BMF: variants seen among roughly 807,000 people sequenced by gnomAD.
BMF encodes bcl-2-modifying factor.
Under a neutral mutation model 22.0 loss-of-function variants are expected in BMF, and 10 were observed. The observed-to-expected ratio is 0.45, with a 90% confidence interval of 0.28 to 0.77. The LOEUF is 0.77. Ranked by LOEUF, BMF falls within the 30% of genes least tolerant of loss-of-function variation. BMF has a pLI of 0.13. For synonymous variants in BMF, 87 were observed against 88.1 expected (o/e 0.99, Z 0.07); for missense variants, 206 against 226.8 (o/e 0.91, Z 0.59).
intron 4 of BMF, among the ~76,000 whole-genome samples, chr15:40,102,377 C>A (rs552264786): frequency 1.7e-3 from 237 of 142,560 alleles, no homozygotes; most frequent in African/African-American, 6.0e-3. Flanking sequence ...TGCAGTGAGC[C>A]GAGATCATGC....
Position 40,105,939 on chromosome 15 carries a change from A to T in BMF, c.148T>A (p.Phe50Ile). The change falls in exon 3 of 5, where the codon TTC (phenylalanine) becomes ATC (isoleucine). Residue 50 changes from phenylalanine to isoleucine, a missense_variant. Physicochemically the swap from Phe to Ile is conservative, Grantham distance 21. Coordinates refer to ENST00000354670, the MANE Select transcript of BMF (RefSeq NM_001003940.2). Reference sequence around the variant, plus strand: ...GGGCCACAGCAGTGGGTGAGAGGGAAGAGCTGAAGTCGGCTGAGGGGGCAG... The same window carrying T: ...GGGCCACAGCAGTGGGTGAGAGGGATGAGCTGAAGTCGGCTGAGGGGGCAG... ...LDCPLSRLQL[F>I]PLTHCCGPGL... 1 of 1,614,150 alleles carries T rather than the reference A, an allele frequency of 6.2e-7. No homozygotes were observed. Among genetic ancestry groups the T allele is most frequent in the Non-Finnish European group, 8.5e-7 (1 of 1,180,022 alleles).
Position 40,091,797 on chromosome 15 carries a change from C to A in BMF, c.545G>T (p.Gly182Val). 1 of 1,606,824 alleles carries A rather than the reference C, an allele frequency of 6.2e-7. No individual in the cohort carries two copies. The highest frequency in any genetic ancestry group is 8.5e-7 in the Non-Finnish European group (1 of 1,177,018). The change falls in exon 5 of 5, where the codon GGC becomes GTC. Residue 182 changes from glycine to valine, a missense_variant. Gly to Val is a moderately radical substitution (Grantham distance 109). Transcript: ENST00000354670. ...GAGGGCAGCCCACCCTCACCTAGGG[C>A]CTGCCCCGTTCCTGTTCTCTTCTCC... ...LNGEENRNGA[G>V]PR
At chr15:40,101,515 G>C (rs2036475063) in intron 4 of BMF, among the ~76,000 whole-genome samples, 1 of 152,164 alleles carries the variant, frequency 6.6e-6, no homozygotes, top group East Asian at 1.9e-4. Context: ...CACTGCCTCA[G>C]TTTCTCTGCC....
rs1192389922 is a variant in BMF, at chr15:40,091,405, G to C, written c.*382C>G. ...GGAACTGGGAGTCTAATCCACTCTCGATTTCTTAACTGAGTTCCTCTGGAA... is the reference window on the plus strand; with the variant it reads ...GGAACTGGGAGTCTAATCCACTCTCCATTTCTTAACTGAGTTCCTCTGGAA... On this transcript the variant is annotated 3_prime_UTR_variant, in exon 5 of 5. Transcript: ENST00000354670. 9 of 168,132 alleles carry C rather than the reference G, an allele frequency of 5.4e-5. No individual in the cohort carries two copies. The highest frequency in any genetic ancestry group is 1.4e-4 in the African/African-American group (6 of 41,890). 10.4% of individuals were successfully genotyped at this position (168,132 alleles called of 1,614,324 possible). A position where few individuals can be genotyped will look rare whatever the true frequency, so the allele number is the denominator to read the frequency against.
chr15:40,104,257 G>C lies in BMF; in HGVS notation c.376C>G (p.Gln126Glu), dbSNP rs750031739. 42 of 1,614,064 alleles carry C rather than the reference G, an allele frequency of 2.6e-5. No homozygotes were observed. The highest frequency in any genetic ancestry group is 3.3e-5 in the Admixed American group (2 of 59,998). The change falls in exon 4 of 5, where the codon CAA becomes GAA. Residue 126 changes from glutamine (Q) to glutamate (E), a missense_variant. By Grantham distance (29) the Gln-to-Glu change is conservative (BLOSUM62 2). Transcript: ENST00000354670. ...IGEQPPEGQW[Q>E]HQAEVQIARK... Reference sequence around the variant, plus strand: ...GCAATCTGTACCTCTGCTTGATGTTGCCACTGCCCTTCGGGGGGCTGCTCC... The same window carrying C: ...GCAATCTGTACCTCTGCTTGATGTTCCCACTGCCCTTCGGGGGGCTGCTCC...
intron 3 of BMF, 71 bp downstream of exon 3, chr15:40,105,724 G>A: frequency 6.7e-7 from 1 of 1,501,622 alleles, no homozygotes; most frequent in Non-Finnish European, 8.9e-7. Context: ...CAAAGGGCAG[G>A]TTTGGGGAGG....
At chr15:40,103,633 C>T (rs1220957987) in intron 4 of BMF, among the ~76,000 whole-genome samples, 3 of 152,236 alleles carry the variant, frequency 2.0e-5, no homozygotes, top group Non-Finnish European at 4.4e-5. Context: ...GAGGTACACT[C>T]TCCGGAGTCC....
chr15:40,088,011 T>C lies in BMF; in HGVS notation c.*3776A>G, dbSNP rs571215543. The C allele has an allele frequency of 3.9e-5, 6 of 152,452 alleles. No individual in the cohort carries two copies. Among genetic ancestry groups the C allele is most frequent in the African/African-American group, 1.4e-4 (6 of 41,422 alleles). The allele number at this position is 152,452 out of a possible 1,614,324, so 9.4% of individuals were successfully genotyped here. ...AAGCCAAAGGCTCTGTACAGTTTTT[T>C]AAAAAATGGGGCCCCTTTCTTCTTC... On this transcript the variant is annotated 3_prime_UTR_variant, in exon 5 of 5. Coordinates refer to ENST00000354670, the MANE Select transcript of BMF (RefSeq NM_001003940.2).
At chr15:40,103,777 C>T (rs949422035) in intron 4 of BMF, among the ~76,000 whole-genome samples, 5 of 152,242 alleles carry the variant, frequency 3.3e-5, no homozygotes, top group African/African-American at 1.2e-4. Context: ...CCCACTGTAC[C>T]TTAGCCAGGC....
intron 4 of BMF, among the ~76,000 whole-genome samples, chr15:40,100,902 G>C (rs1317543192): frequency 6.6e-6 from 1 of 151,866 alleles, no homozygotes; most frequent in African/African-American, 2.4e-5. Context: ...CAAAAAGGGG[G>C]AGTGCACACT....
Position 40,090,312 on chromosome 15 carries a change from T to C in BMF, c.*1475A>G, listed in dbSNP as rs1231543210. The C allele has an allele frequency of 6.5e-6, 1 of 152,690 alleles. No homozygotes were observed. The highest frequency in any genetic ancestry group is 1.5e-5 in the Non-Finnish European group (1 of 68,044). The allele number at this position is 152,690 out of a possible 1,614,324, so 9.5% of individuals were successfully genotyped here. A position where few individuals can be genotyped will look rare whatever the true frequency, so the allele number is the denominator to read the frequency against. On this transcript the variant is annotated 3_prime_UTR_variant, in exon 5 of 5. Transcript: ENST00000354670. Reference sequence around the variant, plus strand: ...CTTGTTCAGATTTGTGAGTCTACTCTAGACTCCTCCTATTTCCTTGGGTAG... The same window carrying C: ...CTTGTTCAGATTTGTGAGTCTACTCCAGACTCCTCCTATTTCCTTGGGTAG...
intron 4 of BMF, among the ~76,000 whole-genome samples, chr15:40,103,567 G>A (rs2036522708): frequency 6.6e-6 from 1 of 152,230 alleles, no homozygotes; most frequent in Non-Finnish European, 1.5e-5. Flanking sequence ...GTGCCAGGCT[G>A]CCGGCCAAGC....
rs1376301875 is a variant in BMF at position 40,091,145 on chromosome 15, CT to C, written c.*641del. 1.3e-5 allele frequency: 2 copies of C among 152,820 alleles called. No homozygotes were observed. Among genetic ancestry groups the C allele is most frequent in the Non-Finnish European group, 2.9e-5 (2 of 68,216 alleles). The allele number at this position is 152,820 out of a possible 1,614,324, so 9.5% of individuals were successfully genotyped here. On this transcript the variant is annotated 3_prime_UTR_variant, in exon 5 of 5. Coordinates refer to ENST00000354670, the MANE Select transcript of BMF (RefSeq NM_001003940.2). ...CATGTTTGAGGGGTCCTTAGAGAAA[CT>C]CAACCCTCCCTGAGGTCTGCTGGAG...
chr15:40,104,941 A>G (rs1328416965), intron 3 of BMF, among the ~76,000 whole-genome samples: 2 of 152,114 alleles, frequency 1.3e-5, no homozygotes, highest in African/African-American at 4.8e-5. Context: ...ACACTTACCC[A>G]GTGCACGCGT....
At chr15:40,102,322 G>A (rs1342133389) in intron 4 of BMF, among the ~76,000 whole-genome samples, 2 of 151,620 alleles carry the variant, frequency 1.3e-5, no homozygotes, top group African/African-American at 2.4e-5. Flanking sequence ...CCAGCTACTC[G>A]GGAGGCTGAG....
chr15:40,092,743 C>A (rs2036266864), intron 4 of BMF, among the ~76,000 whole-genome samples: 1 of 152,144 alleles, frequency 6.6e-6, no homozygotes, highest in African/African-American at 2.4e-5. Context: ...CAGATTGGGG[C>A]TGGTGCCCTG....
intron 4 of BMF, among the ~76,000 whole-genome samples, chr15:40,094,491 G>A (rs1352667716): frequency 6.6e-6 from 1 of 152,210 alleles, no homozygotes; most frequent in African/African-American, 2.4e-5. Flanking sequence ...CCAGGGACCA[G>A]GAATCAGAGG....
intron 4 of BMF, among the ~76,000 whole-genome samples, chr15:40,097,026 C>T (rs961700925): frequency 1.3e-5 from 2 of 152,202 alleles, no homozygotes; most frequent in Non-Finnish European, 2.9e-5. Flanking sequence ...TTCTCTAAAC[C>T]TACTCAGGCC....
rs538672670 is a variant in BMF at position 40,099,845 on chromosome 15, A to G, written c.453+4335T>C. Among the ~76,000 whole-genome samples the G allele has an allele frequency of 1.4e-4, 21 of 151,318 alleles. No individual in the cohort carries two copies. The South Asian group carries it at 3.3e-3, about 24-fold the overall frequency. ...TGATTTGCCCACGAACACATAACTT[A>G]TAAGTGGCAGAGCTGGGATTTTAAC... is the stretch of plus-strand genomic sequence containing the variant. On this transcript the variant is annotated intron_variant, in intron 4 of 4. Coordinates refer to ENST00000354670, the MANE Select transcript of BMF (RefSeq NM_001003940.2).
Sources: gnomAD v4.1 joint callset for allele counts (sites outside exome capture counted in the v4.1 genomes callset) on GRCh38, gnomAD v4.1.1 for gene constraint, MANE v1.5 for transcripts, NCBI Gene and HGNC (gene_info 2026-07-23, HGNC 2026-07-21) for gene names.